The following TBC1D24 variants were observed in gnomAD, a reference collection of about 807,000 sequenced individuals.
TBC1D24 encodes Infantile myoclonic epilepsy.
Under a neutral mutation model 50.7 loss-of-function variants are expected in TBC1D24, and 47 were observed. That is an observed-to-expected ratio of 0.93 (90% CI 0.73 to 1.18). TBC1D24 has a LOEUF of 1.18. Among genes scored for constraint, TBC1D24 ranks in the 50% most tolerant of loss-of-function variants. The pLI is 0.00. For missense variants in TBC1D24, 688 were observed against 766.5 expected (o/e 0.90, Z 1.21); for synonymous variants, 324 against 335.2 (o/e 0.97, Z 0.36).
At position 2,498,358 on chromosome 16, in the gene TBC1D24, G is replaced by T; in HGVS notation, c.1104G>T (p.Leu368=). The T allele has an allele frequency of 6.2e-7, 1 of 1,609,670 alleles. No homozygotes were observed. Among genetic ancestry groups the T allele is most frequent in the African/African-American group, 1.3e-5 (1 of 75,000 alleles). Reference sequence around the variant, plus strand: ...GCTTTGCCCTGTGCCAGCCCCTTCTGCTGTTCTCCTCCCTGCAGCACGGGT... The same window carrying T: ...GCTTTGCCCTGTGCCAGCCCCTTCTTCTGTTCTCCTCCCTGCAGCACGGGT... The part of the protein sequence containing the change: ...PERFALCQPL[L]LFSSLQHGYS... The change falls in exon 4 of 8, where the codon CTG becomes CTT. Residue 368 remains leucine, a synonymous_variant. Coordinates refer to ENST00000646147, the MANE Select transcript of TBC1D24 (RefSeq NM_001199107.2).
At chr16:2,491,696 A>G (rs2065696620) in intron 1 of TBC1D24, among the ~76,000 whole-genome samples, 2 of 152,020 alleles carry the variant, frequency 1.3e-5, no homozygotes, top group Non-Finnish European at 2.9e-5. Context: ...CTGGGACTAC[A>G]GGCATGTGCC....
intron 4 of TBC1D24, among the ~76,000 whole-genome samples, chr16:2,498,891 C>T (rs1156619372): frequency 6.6e-6 from 1 of 152,226 alleles, no homozygotes. Flanking sequence ...TGGTCCAGCC[C>T]CCACCCAGCA....
At position 2,499,015 on chromosome 16, in the gene TBC1D24, C is replaced by T. The variant is rs541262784; in HGVS notation, c.1143-342C>T. ...GCGCCACGTTGGCAGACCAGGGCCT[C>T]TTTGGCTCCCACATGCCTGGGCTGC... On this transcript the variant is annotated intron_variant, in intron 4 of 7. Transcript: ENST00000646147. This position sits in a 1 kb window ranked among gnomAD's most constrained non-coding sequence, Gnocchi z 4.0. Among the ~76,000 whole-genome samples the T allele has an allele frequency of 9.2e-5, 14 of 152,376 alleles. No individual in the cohort carries two copies. Among genetic ancestry groups the T allele is most frequent in the Middle Eastern group, 6.8e-3 (2 of 294 alleles).
chr16:2,503,099 G>C lies in TBC1D24; in HGVS notation c.*2141G>C, dbSNP rs750127892. 3 of 152,234 alleles carry C rather than the reference G, an allele frequency of 2.0e-5. No homozygotes were observed. Among genetic ancestry groups the C allele is most frequent in the Non-Finnish European group, 2.9e-5 (2 of 68,044 alleles). 9.4% of individuals were successfully genotyped at this position (152,234 alleles called of 1,614,324 possible). A position where few individuals can be genotyped will look rare whatever the true frequency, so the allele number is the denominator to read the frequency against. On this transcript the variant is annotated 3_prime_UTR_variant, in exon 8 of 8. Transcript: ENST00000646147. The stretch of plus-strand genomic sequence containing the variant: ...TGAACTGGGTGGTGATTTTTCTGGC[G>C]AGTTAAGTCCAGCAGGTTCTGCGTG...
At chr16:2,495,971 A>G in intron 1 of TBC1D24, 63 bp from the exon 2 acceptor site, 1 of 817,416 alleles carries the variant, frequency 1.2e-6, no homozygotes, top group East Asian at 2.6e-5. Flanking sequence ...ATTTGAAAAA[A>G]TACGTTCTTT....
At position 2,504,475 on chromosome 16, in the gene TBC1D24, G is replaced by T. The variant is rs11647525; in HGVS notation, c.*3517G>T. 1 of 142,918 alleles carries T rather than the reference G, an allele frequency of 7.0e-6. No homozygotes were observed. Among genetic ancestry groups the T allele is most frequent in the Admixed American group, 7.3e-5 (1 of 13,672 alleles). The allele number at this position is 142,918 out of a possible 1,614,324, so 8.9% of individuals were successfully genotyped here. On this transcript the variant is annotated 3_prime_UTR_variant, in exon 8 of 8. Transcript: ENST00000646147. Reference sequence around the variant, plus strand: ...GCTCTGTCGCCCAGGCTGGAGTGCAGTGGCGCGATCTCGGCTCACCGCAAG... The same window carrying T: ...GCTCTGTCGCCCAGGCTGGAGTGCATTGGCGCGATCTCGGCTCACCGCAAG...
Position 2,497,829 on chromosome 16 carries a change from A to G in TBC1D24, c.983+102A>G, listed in dbSNP as rs2065756591. On this transcript the variant is annotated intron_variant, in intron 3 of 7. Coordinates refer to ENST00000646147, the MANE Select transcript of TBC1D24 (RefSeq NM_001199107.2). ...GGTCTCAGGGCTGCTCTCGTGGGCCAGCTTCAGCAGCGCTGCCTCTGAGCC... is the reference window on the plus strand; with the variant it reads ...GGTCTCAGGGCTGCTCTCGTGGGCCGGCTTCAGCAGCGCTGCCTCTGAGCC... The G allele has an allele frequency of 2.5e-6, 3 of 1,203,322 alleles. No individual in the cohort carries two copies. The African/African-American group carries it at 4.5e-5, about 18-fold the overall frequency. 74.5% of individuals were successfully genotyped at this position (1,203,322 alleles called of 1,614,324 possible). A position where few individuals can be genotyped will look rare whatever the true frequency, so the allele number is the denominator to read the frequency against.
At position 2,500,470 on chromosome 16, in the gene TBC1D24, G is replaced by C. The variant is rs1436306768; in HGVS notation, c.1505G>C (p.Gly502Ala). 1.3e-6 allele frequency: 2 copies of C among 1,577,444 alleles called. No individual in the cohort carries two copies. Among genetic ancestry groups the C allele is most frequent in the South Asian group, 2.3e-5 (2 of 86,628 alleles). The part of the protein sequence containing the change: ...SKTESMFMAG[G>A]SDCLIVGGGG... ...ACCGAGTCCATGTTCATGGCGGGGG[G>C]CAGCGACTGCCTCATCGTCGGTGAG... is the stretch of plus-strand genomic sequence containing the variant. Residue 502 changes from glycine to alanine, a missense_variant, in exon 7 of 8, where the codon GGC becomes GCC. Transcript: ENST00000646147. The surrounding 1 kb of genome is among the most constrained non-coding windows in gnomAD (Gnocchi z 8.0).
chr16:2,499,932 T>A lies in TBC1D24; in HGVS notation c.1302+2T>A. 1 of 1,613,500 alleles carries A rather than the reference T, an allele frequency of 6.2e-7. No individual in the cohort carries two copies. The highest frequency in any genetic ancestry group is 8.5e-7 in the Non-Finnish European group (1 of 1,179,676). ...ACCGGAGAATGCTTTGTGTTTAGGG[T>A]GAGTGGGGCCAAGTGTCCCCAAACC... On this transcript the variant is annotated splice_donor_variant, in intron 6 of 7. Coordinates refer to ENST00000646147, the MANE Select transcript of TBC1D24 (RefSeq NM_001199107.2). LOFTEE classifies it high-confidence loss of function. This position sits in a 1 kb window ranked among gnomAD's most constrained non-coding sequence, Gnocchi z 4.0.
At position 2,503,175 on chromosome 16, in the gene TBC1D24, G is replaced by T. The variant is rs1349385803; in HGVS notation, c.*2217G>T. The T allele has an allele frequency of 6.6e-6, 1 of 152,280 alleles. No homozygotes were observed. Among genetic ancestry groups the T allele is most frequent in the East Asian group, 1.9e-4 (1 of 5,200 alleles). The allele number at this position is 152,280 out of a possible 1,614,324, so 9.4% of individuals were successfully genotyped here. A position where few individuals can be genotyped will look rare whatever the true frequency, so the allele number is the denominator to read the frequency against. The stretch of plus-strand genomic sequence containing the variant: ...GCCTTCCAGTGATCTGGACCAGGAA[G>T]ACGGATTGCTGCTGGGTCATGATTT... On this transcript the variant is annotated 3_prime_UTR_variant, in exon 8 of 8. Transcript: ENST00000646147.
intron 3 of TBC1D24, 120 bp downstream of exon 3, chr16:2,497,847 T>A: frequency 1.9e-6 from 2 of 1,036,396 alleles, no homozygotes; most frequent in Non-Finnish European, 2.9e-6. Context: ...CAGCGCTGCC[T>A]CTGAGCCGGA....
At position 2,485,920 on chromosome 16, in the gene TBC1D24, G is replaced by A. The variant is rs541755992; in HGVS notation, c.-115-10114G>A. ...CGTCCCTACCATTCCCACCTGGCCC[G>A]CTGCTGCCTGTGCCCCAGGGTTTCC... On this transcript the variant is annotated intron_variant, in intron 1 of 7. Coordinates refer to ENST00000646147, the MANE Select transcript of TBC1D24 (RefSeq NM_001199107.2). The surrounding 1 kb of genome is among the most constrained non-coding windows in gnomAD (Gnocchi z 4.6). Among the ~76,000 whole-genome samples, 2 of 152,240 alleles carry A rather than the reference G, an allele frequency of 1.3e-5. No homozygotes were observed. The highest frequency in any genetic ancestry group is 2.1e-4 in the South Asian group (1 of 4,820).
rs1348506632 is a variant in TBC1D24 at position 2,503,947 on chromosome 16, A to G, written c.*2989A>G. 1 of 152,230 alleles carries G rather than the reference A, an allele frequency of 6.6e-6. No individual in the cohort carries two copies. The highest frequency in any genetic ancestry group is 2.4e-5 in the African/African-American group (1 of 41,464). The allele number at this position is 152,230 out of a possible 1,614,324, so 9.4% of individuals were successfully genotyped here. ...AAACAACAATTGCACCTAATTTAAA[A>G]TAGTTTATTAAATGAATTCATTAAA... On this transcript the variant is annotated 3_prime_UTR_variant, in exon 8 of 8. Transcript: ENST00000646147.
At position 2,486,184 on chromosome 16, in the gene TBC1D24, G is replaced by A. The variant is rs556138608; in HGVS notation, c.-115-9850G>A. ...AGCGAGATTGTTTTGGATCCCGCCA[G>A]GGGAGCCCACTGAGAGGAGCCTGCA... On this transcript the variant is annotated intron_variant, in intron 1 of 7. Coordinates refer to ENST00000646147, the MANE Select transcript of TBC1D24 (RefSeq NM_001199107.2). This position sits in a 1 kb window ranked among gnomAD's most constrained non-coding sequence, Gnocchi z 5.8. Among the ~76,000 whole-genome samples the A allele has an allele frequency of 3.3e-5, 5 of 152,328 alleles. No homozygotes were observed. Among genetic ancestry groups the A allele is most frequent in the African/African-American group, 9.6e-5 (4 of 41,578 alleles).
At chr16:2,498,100 C>T (rs1446869298) in intron 3 of TBC1D24, 138 bp from the exon 4 acceptor site, 10 of 1,166,440 alleles carry the variant, frequency 8.6e-6, no homozygotes, top group Non-Finnish European at 8.5e-6. Context: ...TAGAACCCGG[C>T]CCTAAACCGG....
At position 2,505,493 on chromosome 16, in the gene TBC1D24, A is replaced by T. The variant is rs149255113; in HGVS notation, c.*4535A>T. On this transcript the variant is annotated 3_prime_UTR_variant, in exon 8 of 8. Transcript: ENST00000646147. ...GAGCTAAGGATAGAAGGGAAAAAAT[A>T]GTTGTGTGAATGATTTTACCTCTTA... 1.3e-5 allele frequency: 2 copies of T among 152,236 alleles called. No individual in the cohort carries two copies. Among genetic ancestry groups the T allele is most frequent in the African/African-American group, 4.8e-5 (2 of 41,450 alleles). 9.4% of individuals were successfully genotyped at this position (152,236 alleles called of 1,614,324 possible). A position where few individuals can be genotyped will look rare whatever the true frequency, so the allele number is the denominator to read the frequency against.
At position 2,486,279 on chromosome 16, in the gene TBC1D24, C is replaced by T. The variant is rs2065649775; in HGVS notation, c.-115-9755C>T. On this transcript the variant is annotated intron_variant, in intron 1 of 7. Coordinates refer to ENST00000646147, the MANE Select transcript of TBC1D24 (RefSeq NM_001199107.2). This position sits in a 1 kb window ranked among gnomAD's most constrained non-coding sequence, Gnocchi z 5.8. ...TGTGGTCCCTAGCTGCGGGCGTTGG[C>T]GTTCCCCACCCATGGGGCCCGGCCT... Among the ~76,000 whole-genome samples the T allele has an allele frequency of 6.6e-6, 1 of 152,212 alleles. No homozygotes were observed. The highest frequency in any genetic ancestry group is 1.5e-5 in the Non-Finnish European group (1 of 68,030).
intron 1 of TBC1D24, 41 bp from the exon 2 acceptor site, chr16:2,495,993 C>A: frequency 1.1e-6 from 1 of 948,060 alleles, no homozygotes; most frequent in South Asian, 1.6e-5. Flanking sequence ...AAATGTGAAC[C>A]TTGAAACACA....
Position 2,487,888 on chromosome 16 carries a change from T to C in TBC1D24, c.-115-8146T>C, listed in dbSNP as rs183877429. 1.3e-4 allele frequency among the ~76,000 whole-genome samples: 20 copies of C among 151,886 alleles called. 1 individual carries two copies. In the East Asian group the frequency reaches 3.9e-3, roughly 29 times the overall value. ...GACCCTCTGGAGCCTCTCTCGGAGG[T>C]CCTCGCTGTCCCAGGATGAAGGGAG... On this transcript the variant is annotated intron_variant, in intron 1 of 7. Transcript: ENST00000646147. This position sits in a 1 kb window ranked among gnomAD's most constrained non-coding sequence, Gnocchi z 4.1.
Sources: allele counts gnomAD v4.1 joint callset (sites outside exome capture counted in the v4.1 genomes callset), GRCh38; gene constraint gnomAD v4.1.1; non-coding constraint Gnocchi (gnomAD v3.1); transcripts MANE v1.5; gene names NCBI Gene and HGNC (gene_info 2026-07-23, HGNC 2026-07-21).